The following FLII variants were observed in gnomAD, a reference collection of about 807,000 sequenced individuals.
FLII encodes protein flightless-1 homolog.
FLII carries 101 observed loss-of-function variants against 156.2 expected under a neutral mutation model. The ratio of observed to expected loss-of-function variants is 0.65; its 90% CI spans 0.55 to 0.76. The LOEUF (loss-of-function observed/expected upper bound fraction) is 0.76. Among genes scored for constraint, FLII ranks in the 30% least tolerant of loss-of-function variants. FLII has a pLI of 0.00. For synonymous variants in FLII, 767 were observed against 685.8 expected (o/e 1.12, Z -1.85); for missense variants, 1,675 against 1,682.8 (o/e 1.00, Z 0.08).
At chr17:18,248,514 T>C in intron 18 of FLII, 36 bp downstream of exon 18, 1 of 1,564,718 alleles carries the variant, frequency 6.4e-7, no homozygotes, top group Non-Finnish European at 8.7e-7. Context: ...TGGGTGAACT[T>C]GGGAGGCCAA....
At chr17:18,246,503 C>G (rs1294218980) in intron 23 of FLII, 41 bp from the exon 24 acceptor site, 1 of 1,612,800 alleles carries the variant, frequency 6.2e-7, no homozygotes, top group Admixed American at 1.7e-5. Context: ...CCTGGACCCC[C>G]ACCTGCCCCT....
chr17:18,256,488 C>G, intron 3 of FLII, 38 bp downstream of exon 3: 1 of 1,527,774 alleles, frequency 6.5e-7, no homozygotes. Context: ...GACCTTGGCC[C>G]CAACCCCAAG....
At chr17:18,247,873 A>C in intron 19 of FLII, 25 bp from the exon 20 acceptor site, 4 of 1,613,940 alleles carry the variant, frequency 2.5e-6, no homozygotes, top group Non-Finnish European at 3.4e-6. Flanking sequence ...TCTGGAGGTC[A>C]AAGCCCAGCC....
chr17:18,249,852 C>T (rs1056314476), intron 14 of FLII, among the ~76,000 whole-genome samples: 5 of 151,114 alleles, frequency 3.3e-5, no homozygotes, highest in African/African-American at 1.2e-4. Context: ...GGCACGGTGG[C>T]TCATGCCTGT....
Position 18,245,861 on chromosome 17 carries a change from G to C in FLII, c.3397-11C>G, listed in dbSNP as rs2048026518. The C allele has an allele frequency of 1.9e-6, 3 of 1,614,010 alleles. No homozygotes were observed. Among genetic ancestry groups the C allele is most frequent in the African/African-American group, 1.3e-5 (1 of 74,996 alleles). ...ACCTTCGTTGATAACCTGCGGGAAA[G>C]GCCAGTCCAGCCCAGGGCCCCTGCC... On this transcript the variant is annotated splice_polypyrimidine_tract_variant and intron_variant, in intron 26 of 29. Coordinates refer to ENST00000327031, the MANE Select transcript of FLII (RefSeq NM_002018.4).
chr17:18,258,301 G>A lies in FLII; in HGVS notation c.63+327C>T, dbSNP rs1221729105. 6 of 550,282 alleles carry A rather than the reference G, an allele frequency of 1.1e-5. No individual in the cohort carries two copies. Among genetic ancestry groups the A allele is most frequent in the Admixed American group, 7.9e-5 (2 of 25,240 alleles). The allele number at this position is 550,282 out of a possible 1,614,324, so 34.1% of individuals were successfully genotyped here. A position where few individuals can be genotyped will look rare whatever the true frequency, so the allele number is the denominator to read the frequency against. ...TGGCTTGGGCGTGTGACCTCAGAGG[G>A]GCGGGGAGGCTCGCCCGATCCCCAG... is the stretch of plus-strand genomic sequence containing the variant. On this transcript the variant is annotated intron_variant, in intron 1 of 29. Transcript: ENST00000327031. This position sits in a 1 kb window ranked among gnomAD's most constrained non-coding sequence, Gnocchi z 4.2.
intron 2 of FLII, 127 bp from the exon 3 acceptor site, chr17:18,256,724 C>T (rs2048429438): frequency 1.1e-6 from 1 of 870,276 alleles, no homozygotes. Context: ...CCTGCAGCTT[C>T]CCTCCCTCAC....
At position 18,247,648 on chromosome 17, in the gene FLII, C is replaced by A. The variant is rs1240233084; in HGVS notation, c.2487+9G>T. On this transcript the variant is annotated intron_variant, in intron 20 of 29. Transcript: ENST00000327031. ...TCCTGGGGAGGGGCCTCCGAAGCTG[C>A]AAGCGCACCTGCGCCTCGGTGCCCT... 22 of 1,572,806 alleles carry A rather than the reference C, an allele frequency of 1.4e-5. No individual in the cohort carries two copies. The highest frequency in any genetic ancestry group is 1.9e-5 in the Non-Finnish European group (22 of 1,165,966).
Position 18,252,166 on chromosome 17 carries a change from G to A in FLII, c.1099-20C>T. The A allele has an allele frequency of 6.2e-7, 1 of 1,607,206 alleles. No individual in the cohort carries two copies. The highest frequency in any genetic ancestry group is 8.5e-7 in the Non-Finnish European group (1 of 1,174,918). On this transcript the variant is annotated intron_variant, in intron 10 of 29. Coordinates refer to ENST00000327031, the MANE Select transcript of FLII (RefSeq NM_002018.4). ...CAGGACCTGCCCCATAGGGTGAGCA[G>A]AGCCGGCACTGAGCCTGGGTCCTAC...
Position 18,258,390 on chromosome 17 carries a change from C to T in FLII, c.63+238G>A. The T allele has an allele frequency of 1.7e-6, 2 of 1,199,284 alleles. No individual in the cohort carries two copies. Among genetic ancestry groups the T allele is most frequent in the Admixed American group, 2.5e-5 (1 of 40,306 alleles). The allele number at this position is 1,199,284 out of a possible 1,614,324, so 74.3% of individuals were successfully genotyped here. A position where few individuals can be genotyped will look rare whatever the true frequency, so the allele number is the denominator to read the frequency against. On this transcript the variant is annotated intron_variant, in intron 1 of 29. Coordinates refer to ENST00000327031, the MANE Select transcript of FLII (RefSeq NM_002018.4). This position sits in a 1 kb window ranked among gnomAD's most constrained non-coding sequence, Gnocchi z 4.2. ...TGGGGGCTCCCGGCCGGGCCCCCGG[C>T]GGGACTCCGAGCCCAAGCGTCCGTC... is the stretch of plus-strand genomic sequence containing the variant.
chr17:18,252,434 T>G (rs953438676), intron 10 of FLII, 38 bp downstream of exon 10: 1 of 1,589,678 alleles, frequency 6.3e-7, no homozygotes, highest in East Asian at 2.2e-5. Flanking sequence ...ACCCCTTGCT[T>G]GTCTCTCTTG....
In FLII at chr17:18,251,745, C is replaced by T; in HGVS notation, c.1318G>A (p.Asp440Asn). The change falls in exon 12 of 30, where the codon GAC becomes AAC. Residue 440 changes from aspartate (D) to asparagine (N), a missense_variant. Physicochemically the swap from Asp to Asn is conservative, Grantham distance 23 (BLOSUM62 1). Transcript: ENST00000327031. ...CCCTTCAGCACCTGCTTGGCCTGGT[C>T]ATCCTGGGCTGAATCCTTGCGCCTC... is the stretch of plus-strand genomic sequence containing the variant. ...LRRRKDSAQD[D>N]QAKQVLKGMS... 3.7e-6 allele frequency: 6 copies of T among 1,614,034 alleles called. No homozygotes were observed. The highest frequency in any genetic ancestry group is 4.2e-6 in the Non-Finnish European group (5 of 1,180,034).
rs532815208 is a variant in FLII at position 18,256,927 on chromosome 17, C to T, written c.156G>A (p.Leu52=). 1 of 1,609,954 alleles carries T rather than the reference C, an allele frequency of 6.2e-7. No individual in the cohort carries two copies. Among genetic ancestry groups the T allele is most frequent in the East Asian group, 2.2e-5 (1 of 44,746 alleles). Residue 52 remains leucine, a synonymous_variant, in exon 2 of 30, where the codon CTG becomes CTA. Coordinates refer to ENST00000327031, the MANE Select transcript of FLII (RefSeq NM_002018.4). The part of the protein sequence containing the change: ...RTGLCYLPEE[L]AALQKLEHLS... ...CCCTTACCAGCTTCTGCAGGGCGGC[C>T]AGCTCCTCGGGCAGGTAGCAGAGGC...
intron 14 of FLII, among the ~76,000 whole-genome samples, 197 bp from the exon 15 acceptor site, chr17:18,249,605 C>T (rs187057884): frequency 2.8e-4 from 43 of 152,234 alleles, no homozygotes; most frequent in Middle Eastern, 3.4e-3. Context: ...GCCTGACCAA[C>T]ATGGAGAAAC....
At chr17:18,245,308 T>G in intron 29 of FLII, 36 bp from the exon 30 acceptor site, 2 of 1,613,776 alleles carry the variant, frequency 1.2e-6, no homozygotes, top group South Asian at 2.2e-5. Context: ...GTGATGACCC[T>G]GCCCTGCCCA....
rs1376223865 is a variant in FLII, at chr17:18,245,778, C to T, written c.3469G>A (p.Asp1157Asn). 2.5e-6 allele frequency: 4 copies of T among 1,613,988 alleles called. No homozygotes were observed. The highest frequency in any genetic ancestry group is 2.2e-5 in the East Asian group (1 of 44,850). ...CGTGTGTGTTTCATGTACTCGGCAT[C>T]GTCATCATAGGGCTTCTGTGCCCCA... The part of the protein sequence containing the change: ...GIGAQKPYDD[D>N]AEYMKHTRLF... Residue 1157 changes from aspartate to asparagine, a missense_variant, in exon 27 of 30, where the codon GAT becomes AAT. Asp to Asn is a conservative substitution (Grantham distance 23). This residue lies in a region of FLII where 1,332 missense variants were observed against 1,269.3 expected (regional missense o/e 1.05). Transcript: ENST00000327031.
Position 18,245,769 on chromosome 17 carries a change from A to G in FLII, c.3478T>C (p.Tyr1160His), listed in dbSNP as rs1242378878. The G allele has an allele frequency of 6.2e-7, 1 of 1,613,634 alleles. No homozygotes were observed. The highest frequency in any genetic ancestry group is 8.5e-7 in the Non-Finnish European group (1 of 1,179,962). Residue 1160 changes from tyrosine to histidine, a missense_variant, in exon 27 of 30, where the codon TAC becomes CAC. This residue lies in a region of FLII where 1,332 missense variants were observed against 1,269.3 expected (regional missense o/e 1.05). Transcript: ENST00000327031. ...CGGAAGAGACGTGTGTGTTTCATGT[A>G]CTCGGCATCGTCATCATAGGGCTTC... ...AQKPYDDDAE[Y>H]MKHTRLFRCS...
At position 18,247,328 on chromosome 17, in the gene FLII, G is replaced by T; in HGVS notation, c.2517C>A (p.Asp839Glu). The change falls in exon 21 of 30, where the codon GAC becomes GAA. Residue 839 changes from aspartate to glutamate, a missense_variant. Coordinates refer to ENST00000327031, the MANE Select transcript of FLII (RefSeq NM_002018.4). ...QVFKAKFKNW[D>E]DVLTVDYTRN... ...GTGTGTAGTCCACCGTCAACACATC[G>T]TCCCAATTCTTGAACTTGGCCTTGA... The T allele has an allele frequency of 6.2e-7, 1 of 1,606,890 alleles. No individual in the cohort carries two copies. The highest frequency in any genetic ancestry group is 8.5e-7 in the Non-Finnish European group (1 of 1,177,622).
At position 18,254,603 on chromosome 17, in the gene FLII, T is replaced by A; in HGVS notation, c.493A>T (p.Ser165Cys). The change falls in exon 6 of 30, where the codon AGC becomes TGC. Residue 165 changes from serine to cysteine, a missense_variant. Ser to Cys is a moderately radical substitution (Grantham distance 112). Around this residue, in one of 2 missense-constraint regions of FLII, gnomAD observed 343 missense variants for 413.5 expected, o/e 0.83. Coordinates refer to ENST00000327031, the MANE Select transcript of FLII (RefSeq NM_002018.4). The stretch of plus-strand genomic sequence containing the variant: ...AGGCGGCGCATCTGCGGGGGCAGGC[T>A]CTCCAGGCGGTTCTCGCTGAGGTCC... ...YLDLSENRLE[S>C]LPPQMRRLVH... is the part of the protein sequence containing the mutation. 6.2e-7 allele frequency: 1 copy of A among 1,613,834 alleles called. No homozygotes were observed. Among genetic ancestry groups the A allele is most frequent in the Non-Finnish European group, 8.5e-7 (1 of 1,179,934 alleles).
Sources: gnomAD v4.1 joint callset for allele counts (sites outside exome capture counted in the v4.1 genomes callset) on GRCh38, gnomAD v4.1.1 for gene constraint, gnomAD v4.1.1 regional missense constraint, Gnocchi (gnomAD v3.1) non-coding constraint, MANE v1.5 for transcripts, NCBI Gene and HGNC (gene_info 2026-07-23, HGNC 2026-07-21) for gene names.